The following WTAP variants were observed in gnomAD, a reference collection of about 807,000 sequenced individuals.
WTAP encodes pre-mRNA-splicing regulator WTAP.
In WTAP, 8 loss-of-function variants were observed where a neutral mutation model predicts 50.0. The ratio of observed to expected loss-of-function variants is 0.16; its 90% CI spans 0.09 to 0.29. The LOEUF is 0.29. Ranked by LOEUF, WTAP falls within the 10% of genes least tolerant of loss-of-function variation. WTAP has a pLI of 1.00. For missense variants in WTAP, 295 were observed against 470.7 expected, an observed-to-expected ratio of 0.63 and a Z score of 3.45; for synonymous variants, 194 against 169.0, an observed-to-expected ratio of 1.15 and a Z score of -1.15.
At chr6:159,736,785 C>T (rs1456995167) in intron 2 of WTAP, 1 of 153,390 alleles carries the variant, frequency 6.5e-6, no homozygotes, top group African/African-American at 2.4e-5. Flanking sequence ...CAAATCTCCC[C>T]CTGTTGTGCA....
intron 1 of WTAP, among the ~76,000 whole-genome samples, chr6:159,730,604 A>G (rs1010991909): frequency 6.6e-6 from 1 of 152,244 alleles, no homozygotes; most frequent in African/African-American, 2.4e-5. Flanking sequence ...CAGATGGCGC[A>G]TTTAACTTTG....
chr6:159,736,066 A>T (rs1778894360), intron 1 of WTAP, among the ~76,000 whole-genome samples, 192 bp from the exon 2 acceptor site: 1 of 152,208 alleles, frequency 6.6e-6, no homozygotes, highest in Non-Finnish European at 1.5e-5. Flanking sequence ...TACAGAGTAT[A>T]TAGGAACTCT....
chr6:159,727,448 G>A (rs1778253979), upstream of WTAP: 8 of 1,096,978 alleles, frequency 7.3e-6, no homozygotes, highest in Non-Finnish European at 9.0e-6. Context: ...CTGTGGGGCG[G>A]GGCAGGGCGG....
chr6:159,735,667 T>G (rs983153337), intron 1 of WTAP, among the ~76,000 whole-genome samples: 3 of 152,086 alleles, frequency 2.0e-5, no homozygotes, highest in Admixed American at 6.5e-5. Context: ...GAGAATTGCT[T>G]GAACCCTGGA....
intron 1 of WTAP, among the ~76,000 whole-genome samples, chr6:159,734,495 A>G (rs1778785432): frequency 1.3e-5 from 2 of 152,140 alleles, no homozygotes; most frequent in African/African-American, 4.8e-5. Flanking sequence ...AAGTAAGGGA[A>G]GATTCATGAG....
intron 1 of WTAP, among the ~76,000 whole-genome samples, chr6:159,732,888 T>TATA (rs1562452386): frequency 5.0e-5 from 2 of 40,052 alleles, no homozygotes; most frequent in Non-Finnish European, 1.8e-4. Flanking sequence ...ATATATATAG[T>TATA]GTGTGTGTGT....
intron 3 of WTAP, 38 bp from the exon 4 acceptor site, chr6:159,742,045 CTATTT>C (rs758738546): frequency 1.2e-5 from 16 of 1,371,228 alleles, no homozygotes; most frequent in Admixed American, 2.0e-5. Context: ...ATTTAATAAA[CTATTT>C]TATCGTAACA....
intron 1 of WTAP, among the ~76,000 whole-genome samples, chr6:159,728,464 C>A (rs867685517): frequency 6.6e-6 from 1 of 152,208 alleles, no homozygotes; most frequent in African/African-American, 2.4e-5. Flanking sequence ...TAGGGAAATA[C>A]TTCTATGAGT....
chr6:159,756,076 G>GT lies in WTAP; in HGVS notation c.*471dup, dbSNP rs1216293852. 2 of 153,764 alleles carry GT rather than the reference G, an allele frequency of 1.3e-5. No homozygotes were observed. The highest frequency in any genetic ancestry group is 2.4e-5 in the African/African-American group (1 of 41,450). 9.5% of individuals were successfully genotyped at this position (153,764 alleles called of 1,614,324 possible). On this transcript the variant is annotated 3_prime_UTR_variant, in exon 8 of 8. Transcript: ENST00000621533. ...ACTGCCAAGTTTGCCCAGTACAGTA[G>GT]TTTTTTATCACTAAAAGTTGGACTC...
In WTAP at chr6:159,755,524, G is replaced by T; in HGVS notation, c.1104G>T (p.Val368=). Residue 368 remains valine, a synonymous_variant, in exon 8 of 8, where the codon GTG becomes GTT. Coordinates refer to ENST00000621533, the MANE Select transcript of WTAP (RefSeq NM_001270531.2). ...ATGACCCTCAAGAGGAGAAAGCAGT[G>T]AGTGGGAAAGGTAATCGAACTGTGG... ...SSHDPQEEKA[V]SGKGNRTVGS... is the part of the protein sequence containing the mutation. The T allele has an allele frequency of 6.2e-7, 1 of 1,614,204 alleles. No individual in the cohort carries two copies. The highest frequency in any genetic ancestry group is 8.5e-7 in the Non-Finnish European group (1 of 1,180,044).
At chr6:159,752,795 G>A (rs1779870262) in intron 6 of WTAP, among the ~76,000 whole-genome samples, 1 of 152,136 alleles carries the variant, frequency 6.6e-6, no homozygotes, top group Non-Finnish European at 1.5e-5. Context: ...TGTTTCCGAA[G>A]CTGGAATGCA....
chr6:159,729,370 C>G (rs1778424826), intron 1 of WTAP, among the ~76,000 whole-genome samples: 1 of 152,110 alleles, frequency 6.6e-6, no homozygotes, highest in Non-Finnish European at 1.5e-5. Context: ...CTTGTAGTTA[C>G]TAAGCTTAAC....
chr6:159,747,445 T>C (rs2114942622), intron 5 of WTAP, among the ~76,000 whole-genome samples: 1 of 152,326 alleles, frequency 6.6e-6, no homozygotes, highest in South Asian at 2.1e-4. Context: ...TTTCCAGCTT[T>C]ACAATTCTAT....
upstream of WTAP, chr6:159,727,069 T>C: frequency 2.5e-6 from 3 of 1,213,434 alleles, no homozygotes; most frequent in Non-Finnish European, 3.2e-6. Flanking sequence ...CTTCCCGTGA[T>C]GCCCTGGGGC....
At chr6:159,740,602 T>C (rs2114915681) in intron 3 of WTAP, among the ~76,000 whole-genome samples, 1 of 152,300 alleles carries the variant, frequency 6.6e-6, no homozygotes, top group Middle Eastern at 3.4e-3. Context: ...TGTCTTAGGT[T>C]GTAAGTGCCG....
intron 1 of WTAP, among the ~76,000 whole-genome samples, chr6:159,734,174 T>C (rs1778761571): frequency 6.6e-6 from 1 of 151,950 alleles, no homozygotes; most frequent in Non-Finnish European, 1.5e-5. Flanking sequence ...GGTGTGTGTG[T>C]GTTTTGTTTG....
chr6:159,754,896 T>G, intron 7 of WTAP, 132 bp from the exon 8 acceptor site: 1 of 994,278 alleles, frequency 1.0e-6, no homozygotes, highest in Non-Finnish European at 1.4e-6. Context: ...AATTTTTAAA[T>G]GTAGTGTGAT....
Position 159,743,669 on chromosome 6 carries a change from T to C in WTAP, c.150T>C (p.Asn50=). ...LEGKYTDLNS[N]DVTGLRESEE... Reference sequence around the variant, plus strand: ...AATTTTTTTTTGAATCATCAGCTAATGATGTAACTGGCCTAAGAGAGTCTG... The same window carrying C: ...AATTTTTTTTTGAATCATCAGCTAACGATGTAACTGGCCTAAGAGAGTCTG... Residue 50 remains asparagine (N), a synonymous_variant, in exon 5 of 8, where the codon AAT becomes AAC. Coordinates refer to ENST00000621533, the MANE Select transcript of WTAP (RefSeq NM_001270531.2). 1 of 1,595,694 alleles carries C rather than the reference T, an allele frequency of 6.3e-7. No individual in the cohort carries two copies. Among genetic ancestry groups the C allele is most frequent in the South Asian group, 1.2e-5 (1 of 85,940 alleles).
At position 159,746,846 on chromosome 6, in the gene WTAP, C is replaced by T. The variant is rs563273688; in HGVS notation, c.274-1345C>T. ...ATGGAATTTATTCTAGTCTGATTCA[C>T]CTCTCTTTTCATGAATGAAAGTGTT... On this transcript the variant is annotated intron_variant, in intron 5 of 7. Transcript: ENST00000621533. Among the ~76,000 whole-genome samples, 11 of 152,316 alleles carry T rather than the reference C, an allele frequency of 7.2e-5. No homozygotes were observed. The South Asian group carries it at 1.9e-3, about 26-fold the overall frequency.
Sources: allele counts gnomAD v4.1 joint callset (sites outside exome capture counted in the v4.1 genomes callset), GRCh38; gene constraint gnomAD v4.1.1; transcripts MANE v1.5; gene names NCBI Gene and HGNC (gene_info 2026-07-23, HGNC 2026-07-21).